The following RALY variants were observed in gnomAD, a reference collection of about 807,000 sequenced individuals.
RALY encodes the protein RALY heterogeneous nuclear ribonucleoprotein.
RALY carries 15 observed loss-of-function variants against 30.7 expected under a neutral mutation model. That is an observed-to-expected ratio of 0.49 (90% CI 0.33 to 0.75). The LOEUF (loss-of-function observed/expected upper bound fraction) is 0.75, where lower values mean the gene tolerates loss of function less well. Ranked by LOEUF, RALY falls within the 30% of genes least tolerant of loss-of-function variation. The pLI is 0.02. For synonymous variants in RALY, 177 were observed against 170.8 expected, an observed-to-expected ratio of 1.04 and a Z score of -0.28; for missense variants, 339 against 414.3, an observed-to-expected ratio of 0.82 and a Z score of 1.58.
At chr20:34,024,203 A>G (rs1157450327) in intron 1 of RALY, among the ~76,000 whole-genome samples, 1 of 152,094 alleles carries the variant, frequency 6.6e-6, no homozygotes, top group African/African-American at 2.4e-5. Context: ...GCCATTTTCT[A>G]CACAGTCTCA....
intron 2 of RALY, among the ~76,000 whole-genome samples, chr20:34,044,095 A>G (rs2032793825): frequency 6.6e-6 from 1 of 152,086 alleles, no homozygotes; most frequent in Admixed American, 6.5e-5. Flanking sequence ...TGGGTGTTTC[A>G]GAGAAGGGAA....
chr20:34,072,317 C>G lies in RALY; in HGVS notation c.243C>G (p.Ala81=). The G allele has an allele frequency of 6.2e-7, 1 of 1,612,478 alleles. No homozygotes were observed. ...TGGGAGAGAATGGGCGGGTGCTGGCCGGGCAGACCCTGGGTAAGCCTCTCT... is the reference window on the plus strand; with the variant it reads ...TGGGAGAGAATGGGCGGGTGCTGGCGGGGCAGACCCTGGGTAAGCCTCTCT... ...AVLGENGRVL[A]GQTLDINMAG... is the part of the protein sequence containing the mutation. Residue 81 remains alanine, a synonymous_variant, in exon 3 of 10, where the codon GCC becomes GCG. Coordinates refer to ENST00000246194, the MANE Select transcript of RALY (RefSeq NM_016732.3).
intron 2 of RALY, among the ~76,000 whole-genome samples, chr20:34,065,366 C>G (rs1370614620): frequency 1.3e-5 from 2 of 152,218 alleles, no homozygotes; most frequent in Non-Finnish European, 2.9e-5. Flanking sequence ...TGACTTGTTG[C>G]AGGTCACATG....
intron 2 of RALY, among the ~76,000 whole-genome samples, chr20:34,052,080 A>C (rs1421797448): frequency 6.6e-6 from 1 of 152,184 alleles, no homozygotes; most frequent in East Asian, 1.9e-4. Flanking sequence ...CAGGGACCCT[A>C]GAGATCTGTC....
chr20:34,073,641 GCTGT>G lies in RALY; in HGVS notation c.329+10_329+13del. 1.3e-6 allele frequency: 2 copies of G among 1,586,026 alleles called. No homozygotes were observed. The highest frequency in any genetic ancestry group is 1.7e-6 in the Non-Finnish European group (2 of 1,154,366). On this transcript the variant is annotated splice_region_variant and intron_variant, in intron 4 of 9. Transcript: ENST00000246194. ...GCAGCATCTGCCATATACAGGTGGGGCTGTCTGACTGTCTGTCTGTCTGGTGGGA... is the reference window on the plus strand; with the variant it reads ...GCAGCATCTGCCATATACAGGTGGGGCTGACTGTCTGTCTGTCTGGTGGGA...
chr20:34,076,236 CAG>C (rs1005706494), intron 6 of RALY, 196 bp downstream of exon 6: 56 of 705,302 alleles, frequency 7.9e-5, no homozygotes, highest in Non-Finnish European at 1.1e-4. Flanking sequence ...GTGTTGGGCA[CAG>C]AGAGTCCAGT....
chr20:33,996,970 C>G (rs894551417), intron 1 of RALY, among the ~76,000 whole-genome samples: 8 of 152,190 alleles, frequency 5.3e-5, no homozygotes, highest in African/African-American at 2.4e-5. Context: ...TCCTCACCTG[C>G]AGCAGAGATG....
Position 34,025,686 on chromosome 20 carries a change from TAAA to T in RALY, c.-92-5821_-92-5819del, listed in dbSNP as rs1333077710. ...AGAGTTCTGTAGGGACATGCTATTT[TAAA>T]AAAAAAAAAAAAAATTGTTTTACAA... is the stretch of plus-strand genomic sequence containing the variant. On this transcript the variant is annotated intron_variant, in intron 1 of 9. Coordinates refer to ENST00000246194, the MANE Select transcript of RALY (RefSeq NM_016732.3). 2.0e-3 allele frequency among the ~76,000 whole-genome samples: 288 copies of T among 144,658 alleles called. 3 individuals carry two copies. Among genetic ancestry groups the T allele is most frequent in the East Asian group, 0.017 (84 of 5,030 alleles). 94.9% of individuals were successfully genotyped at this position (144,658 alleles called of 152,430 possible). A position where few individuals can be genotyped will look rare whatever the true frequency, so the allele number is the denominator to read the frequency against.
chr20:34,081,554 A>C lies in RALY; in HGVS notation c.*1649A>C, dbSNP rs1473855605. On this transcript the variant is annotated 3_prime_UTR_variant, in exon 10 of 10. Transcript: ENST00000246194. ...TGCAGATCTGCTGGAATCCTTATTG[A>C]AAACTCCCCATTTCAAACCAACCCG... 2.0e-5 allele frequency: 3 copies of C among 152,176 alleles called. No homozygotes were observed. The highest frequency in any genetic ancestry group is 7.2e-5 in the African/African-American group (3 of 41,420). 9.4% of individuals were successfully genotyped at this position (152,176 alleles called of 1,614,324 possible).
chr20:34,077,068 C>T lies in RALY; in HGVS notation c.699C>T (p.Gly233=), dbSNP rs940787596. The T allele has an allele frequency of 1.4e-5, 22 of 1,604,800 alleles. No homozygotes were observed. Among genetic ancestry groups the T allele is most frequent in the Middle Eastern group, 1.7e-4 (1 of 5,992 alleles). The change falls in exon 8 of 10, where the codon GGC becomes GGT. Residue 233 remains glycine, a synonymous_variant. Coordinates refer to ENST00000246194, the MANE Select transcript of RALY (RefSeq NM_016732.3). Reference sequence around the variant, plus strand: ...GTGATGGAGGTGGCGCCGGCGGCGGCGGCGGTGGTGGTGGCAGCGGTGGCG... The same window carrying T: ...GTGATGGAGGTGGCGCCGGCGGCGGTGGCGGTGGTGGTGGCAGCGGTGGCG... ...KKGDGGGAGG[G]GGGGGSGGGG...
chr20:34,077,065 CGGCGGCGGT>C lies in RALY; in HGVS notation c.699_707del (p.Gly236_Gly238del), dbSNP rs759330702. On this transcript the variant is annotated inframe_deletion, in exon 8 of 10. Coordinates refer to ENST00000246194, the MANE Select transcript of RALY (RefSeq NM_016732.3). ...AGGGTGATGGAGGTGGCGCCGGCGG[CGGCGGCGGT>C]GGTGGTGGCAGCGGTGGCGGTGGCA... 1.9e-6 allele frequency: 3 copies of C among 1,604,062 alleles called. No homozygotes were observed. The highest frequency in any genetic ancestry group is 2.6e-6 in the Non-Finnish European group (3 of 1,175,460).
At chr20:34,025,417 G>A (rs2123069943) in intron 1 of RALY, among the ~76,000 whole-genome samples, 1 of 151,968 alleles carries the variant, frequency 6.6e-6, no homozygotes, top group East Asian at 1.9e-4. Flanking sequence ...TTCTGCCTCA[G>A]CCTCTGGAGT....
intron 1 of RALY, among the ~76,000 whole-genome samples, chr20:34,005,427 T>C (rs942666322): frequency 6.6e-6 from 1 of 151,964 alleles, no homozygotes; most frequent in African/African-American, 2.4e-5. Flanking sequence ...GAGAATCACT[T>C]GAACCAGGGA....
chr20:34,044,373 C>T (rs147414133), intron 2 of RALY, among the ~76,000 whole-genome samples: 34 of 151,758 alleles, frequency 2.2e-4, no homozygotes, highest in Non-Finnish European at 4.6e-4. Context: ...TTGCCCAGAC[C>T]GGAATGGCAA....
chr20:34,044,737 A>G (rs1238015085), intron 2 of RALY, among the ~76,000 whole-genome samples: 1 of 152,172 alleles, frequency 6.6e-6, no homozygotes, highest in Non-Finnish European at 1.5e-5. Context: ...AGCTCCTGAG[A>G]TGTTCCCCAG....
At chr20:34,037,025 C>T (rs770170256) in intron 2 of RALY, among the ~76,000 whole-genome samples, 2 of 151,946 alleles carry the variant, frequency 1.3e-5, no homozygotes, top group African/African-American at 2.4e-5. Flanking sequence ...CTTAAGGATT[C>T]GTTCATTGAT....
intron 2 of RALY, among the ~76,000 whole-genome samples, chr20:34,052,195 T>C (rs754301035): frequency 2.9e-4 from 44 of 152,334 alleles, no homozygotes; most frequent in Admixed American, 5.9e-4. Context: ...ACCGCTGCCT[T>C]TGCAGACCCT....
intron 2 of RALY, among the ~76,000 whole-genome samples, chr20:34,033,455 G>C (rs1346249791): frequency 6.6e-6 from 1 of 152,132 alleles, no homozygotes; most frequent in African/African-American, 2.4e-5. Context: ...TTCAAGATTG[G>C]GTGTCTGCAC....
rs560597478 is a variant in RALY, at chr20:34,069,492, T to G, written c.-9-2574T>G. On this transcript the variant is annotated intron_variant, in intron 2 of 9. Coordinates refer to ENST00000246194, the MANE Select transcript of RALY (RefSeq NM_016732.3). Reference sequence around the variant, plus strand: ...CACCCCAGGCTTGGTTGACTCCCTCTAGCCAAAGCAGGTGGCTTCTCCCTA... The same window carrying G: ...CACCCCAGGCTTGGTTGACTCCCTCGAGCCAAAGCAGGTGGCTTCTCCCTA... Among the ~76,000 whole-genome samples, 201 of 152,290 alleles carry G rather than the reference T, an allele frequency of 1.3e-3. 2 individuals are homozygous for G. Among genetic ancestry groups the G allele is most frequent in the Non-Finnish European group, 2.2e-3 (153 of 68,004 alleles).
Sources: allele counts gnomAD v4.1 joint callset (sites outside exome capture counted in the v4.1 genomes callset), GRCh38; gene constraint gnomAD v4.1.1; transcripts MANE v1.5; gene names NCBI Gene and HGNC (gene_info 2026-07-23, HGNC 2026-07-21).